The following FAM171B variants were observed in gnomAD, a reference collection of about 807,000 sequenced individuals.
FAM171B encodes family with sequence similarity 171 member B, also known as protein FAM171B.
A neutral mutation model predicts 75.6 loss-of-function variants in FAM171B; 19 were observed. The ratio of observed to expected loss-of-function variants is 0.25; its 90% CI spans 0.18 to 0.37. The LOEUF (loss-of-function observed/expected upper bound fraction) is 0.37. FAM171B is among the 10% of genes least tolerant of loss of function. The pLI, the probability that FAM171B is intolerant of heterozygous loss-of-function variation, is 1.00. For synonymous variants in FAM171B, 367 were observed against 361.7 expected (o/e 1.01, Z -0.17); for missense variants, 848 against 982.4 (o/e 0.86, Z 1.83).
In FAM171B at chr2:186,736,645, C is replaced by CTTT. The variant is rs71396886; in HGVS notation, c.239-3559_239-3557dup. 3.0e-4 allele frequency among the ~76,000 whole-genome samples: 15 copies of CTTT among 50,206 alleles called. 1 individual carries two copies. Among genetic ancestry groups the CTTT allele is most frequent in the Admixed American group, 1.0e-3 (3 of 3,000 alleles). The allele number at this position is 50,206 out of a possible 152,430, so 32.9% of individuals were successfully genotyped here. ...TTTTAGACTCTGGAAGGGATCAGAG[C>CTTT]TTTTTTTTTTTTTTTTTTTTTTTTT... On this transcript the variant is annotated intron_variant, in intron 1 of 7. Coordinates refer to ENST00000304698, the MANE Select transcript of FAM171B (RefSeq NM_177454.4).
At chr2:186,710,995 T>C (rs1438500398) in intron 1 of FAM171B, among the ~76,000 whole-genome samples, 1 of 152,126 alleles carries the variant, frequency 6.6e-6, no homozygotes, top group Non-Finnish European at 1.5e-5. Context: ...AAGATCTGGA[T>C]AATTTTCAGT....
Position 186,761,913 on chromosome 2 carries a change from G to A in FAM171B, c.1571G>A (p.Arg524His), listed in dbSNP as rs779066655. The A allele has an allele frequency of 3.7e-5, 60 of 1,613,020 alleles. No homozygotes were observed. The highest frequency in any genetic ancestry group is 8.0e-5 in the African/African-American group (6 of 74,956). Residue 524 changes from arginine to histidine, a missense_variant, in exon 8 of 8, where the codon CGT becomes CAT. By Grantham distance (29) the Arg-to-His change is conservative. This residue lies in a region of FAM171B where 665 missense variants were observed against 729.0 expected (regional missense o/e 0.91). Transcript: ENST00000304698. Reference protein sequence around the residue: ...YLTGNEEAYGRSHIPEQLMHI... With the variant: ...YLTGNEEAYGHSHIPEQLMHI... ...ACAGGTAATGAGGAGGCGTATGGGC[G>A]TTCCCATATTCCTGAACAGCTTATG...
chr2:186,715,623 GGA>G (rs952700075), intron 1 of FAM171B, among the ~76,000 whole-genome samples: 1 of 152,148 alleles, frequency 6.6e-6, no homozygotes, highest in African/African-American at 2.4e-5. Flanking sequence ...ACTCAGGGAA[GGA>G]GAGACAAACT....
chr2:186,733,943 T>G (rs865881644), intron 1 of FAM171B, among the ~76,000 whole-genome samples: 84 of 152,144 alleles, frequency 5.5e-4, no homozygotes, highest in African/African-American at 1.8e-3. Flanking sequence ...TCTCTTTCCT[T>G]CTTGTCACCA....
At chr2:186,738,151 C>T (rs1690232163) in intron 1 of FAM171B, among the ~76,000 whole-genome samples, 1 of 152,238 alleles carries the variant, frequency 6.6e-6, no homozygotes, top group Admixed American at 6.5e-5. Context: ...AGAAATTTTG[C>T]AGCTTTCCAC....
intron 7 of FAM171B, 35 bp from the exon 8 acceptor site, chr2:186,761,443 AC>A: frequency 2.0e-6 from 3 of 1,525,456 alleles, no homozygotes; most frequent in Non-Finnish European, 2.6e-6. Flanking sequence ...TTGTGTCATA[AC>A]TTTTAAATAT....
intron 1 of FAM171B, among the ~76,000 whole-genome samples, chr2:186,720,700 C>CAAAAAAAAAAAAAAAAAAAAAA (rs71411184): frequency 6.3e-5 from 7 of 110,242 alleles, no homozygotes; most frequent in East Asian, 2.6e-4. Flanking sequence ...AGATCATGTA[C>CAAAAAAAAAAAAAAAAAAAAAA]AAAAAAAAAA....
rs1319119360 is a variant in FAM171B, at chr2:186,764,256, AAAC to A, written c.*1436_*1438del. ...AGCAGCATAGAGACCCAAACCATGT[AAAC>A]AAGTTCAGTGAACCAAAACAGCCAC... On this transcript the variant is annotated 3_prime_UTR_variant, in exon 8 of 8. Coordinates refer to ENST00000304698, the MANE Select transcript of FAM171B (RefSeq NM_177454.4). 3 of 152,006 alleles carry A rather than the reference AAAC, an allele frequency of 2.0e-5. No individual in the cohort carries two copies. The highest frequency in any genetic ancestry group is 4.4e-5 in the Non-Finnish European group (3 of 67,928). 9.4% of individuals were successfully genotyped at this position (152,006 alleles called of 1,614,324 possible). A position where few individuals can be genotyped will look rare whatever the true frequency, so the allele number is the denominator to read the frequency against.
chr2:186,755,009 T>C (rs1457306266), intron 6 of FAM171B, among the ~76,000 whole-genome samples: 1 of 152,142 alleles, frequency 6.6e-6, no homozygotes, highest in African/African-American at 2.4e-5. Context: ...GTTCATAGTC[T>C]AGGAAAAATG....
intron 1 of FAM171B, among the ~76,000 whole-genome samples, chr2:186,700,403 G>C (rs1374652145): frequency 6.6e-6 from 1 of 151,938 alleles, no homozygotes; most frequent in Non-Finnish European, 1.5e-5. Context: ...CCCCTTCCCA[G>C]GCAATTCCTG....
intron 1 of FAM171B, among the ~76,000 whole-genome samples, chr2:186,731,501 G>A (rs905934031): frequency 3.3e-5 from 5 of 152,044 alleles, no homozygotes; most frequent in Non-Finnish European, 7.4e-5. Context: ...CTAGTGGCTC[G>A]GTAAATTTTG....
chr2:186,752,378 G>A (rs970424918), intron 5 of FAM171B, among the ~76,000 whole-genome samples: 1 of 152,078 alleles, frequency 6.6e-6, no homozygotes, highest in African/African-American at 2.4e-5. Flanking sequence ...TTTCACTATA[G>A]AGAATATAAG....
chr2:186,737,662 T>G (rs181766562), intron 1 of FAM171B, among the ~76,000 whole-genome samples: 4 of 152,238 alleles, frequency 2.6e-5, no homozygotes, highest in Non-Finnish European at 4.4e-5. Context: ...ATATACCTAA[T>G]GGATAAGGCT....
chr2:186,711,111 G>A (rs1689804351), intron 1 of FAM171B, among the ~76,000 whole-genome samples: 2 of 152,156 alleles, frequency 1.3e-5, no homozygotes, highest in Admixed American at 1.3e-4. Flanking sequence ...TTCAAGTAAT[G>A]AATAAATGAA....
chr2:186,726,379 A>C (rs981264918), intron 1 of FAM171B, among the ~76,000 whole-genome samples: 1 of 152,124 alleles, frequency 6.6e-6, no homozygotes, highest in African/African-American at 2.4e-5. Flanking sequence ...ATTTTTTTTA[A>C]TTCAGCACCC....
chr2:186,733,165 C>T (rs544068962), intron 1 of FAM171B, among the ~76,000 whole-genome samples: 3 of 152,286 alleles, frequency 2.0e-5, no homozygotes, highest in Non-Finnish European at 4.4e-5. Flanking sequence ...CATGACCTAT[C>T]TGAATCTTCG....
chr2:186,723,156 T>A (rs1373758874), intron 1 of FAM171B, among the ~76,000 whole-genome samples: 1 of 152,202 alleles, frequency 6.6e-6, no homozygotes, highest in Non-Finnish European at 1.5e-5. Flanking sequence ...TAATTCACAC[T>A]TAATTCATCC....
At chr2:186,708,489 C>T (rs1224807174) in intron 1 of FAM171B, among the ~76,000 whole-genome samples, 1 of 151,896 alleles carries the variant, frequency 6.6e-6, no homozygotes, top group Admixed American at 6.6e-5. Flanking sequence ...ATAAAAAGAC[C>T]ACACATAATA....
In FAM171B at chr2:186,740,660, G is replaced by A. The variant is rs149842713; in HGVS notation, c.472+199G>A. ...CTGCTATAATGAAATACCCTGAGCC[G>A]GGTAGCTTGTAAACAAGAGAAATTT... On this transcript the variant is annotated intron_variant, in intron 2 of 7. Transcript: ENST00000304698. Among the ~76,000 whole-genome samples, 92 of 152,272 alleles carry A rather than the reference G, an allele frequency of 6.0e-4. 1 individual carries two copies. The highest frequency in any genetic ancestry group is 2.0e-3 in the African/African-American group (84 of 41,544).
Sources: gnomAD v4.1 joint callset for allele counts (sites outside exome capture counted in the v4.1 genomes callset) on GRCh38, gnomAD v4.1.1 for gene constraint, gnomAD v4.1.1 regional missense constraint, MANE v1.5 for transcripts, NCBI Gene and HGNC (gene_info 2026-07-23, HGNC 2026-07-21) for gene names.